The following TLN2 variants were observed in gnomAD, a reference collection of about 807,000 sequenced individuals.
The protein encoded by TLN2 is talin 2.
A neutral mutation model predicts 294.7 loss-of-function variants in TLN2; 118 were observed. The ratio of observed to expected loss-of-function variants is 0.40; its 90% CI spans 0.34 to 0.47. TLN2 has a LOEUF of 0.47. TLN2 is among the 20% of genes least tolerant of loss of function. The pLI is 0.84. For missense variants in TLN2, 3,083 were observed against 3,282.2 expected, an observed-to-expected ratio of 0.94 and a Z score of 1.48; for synonymous variants, 1,431 against 1,304.5, an observed-to-expected ratio of 1.10 and a Z score of -2.09.
chr15:62,726,136 G>A (rs574554497), intron 27 of TLN2, among the ~76,000 whole-genome samples: 1 of 152,150 alleles, frequency 6.6e-6, no homozygotes, highest in Non-Finnish European at 1.5e-5. Context: ...TGCAAGAGAG[G>A]CTGGCATGAC....
intron 1 of TLN2, among the ~76,000 whole-genome samples, chr15:62,517,466 G>A (rs941837094): frequency 6.6e-6 from 1 of 152,130 alleles, no homozygotes; most frequent in Non-Finnish European, 1.5e-5. Context: ...GTTTGCTTGG[G>A]GGCCATGGTG....
intron 53 of TLN2, among the ~76,000 whole-genome samples, chr15:62,820,165 G>A (rs187050295): frequency 6.6e-6 from 1 of 152,280 alleles, no homozygotes; most frequent in African/African-American, 2.4e-5. Context: ...TCCTGAGGAT[G>A]CTTACTTAGA....
intron 1 of TLN2, among the ~76,000 whole-genome samples, chr15:62,465,909 G>C (rs906414565): frequency 7.9e-5 from 12 of 152,190 alleles, no homozygotes; most frequent in Admixed American, 6.5e-4. Context: ...ATAGGTTTTA[G>C]GATTGGAAGG....
At chr15:62,413,399 T>C (rs1281550583) in intron 1 of TLN2, among the ~76,000 whole-genome samples, 1 of 152,150 alleles carries the variant, frequency 6.6e-6, no homozygotes, top group Non-Finnish European at 1.5e-5. Context: ...ACCCCCAAGC[T>C]AACATAGTGA....
chr15:62,841,873 G>A lies in TLN2; in HGVS notation c.*1263G>A, dbSNP rs930201341. 2 of 152,148 alleles carry A rather than the reference G, an allele frequency of 1.3e-5. No individual in the cohort carries two copies. Among genetic ancestry groups the A allele is most frequent in the Non-Finnish European group, 2.9e-5 (2 of 68,040 alleles). 9.4% of individuals were successfully genotyped at this position (152,148 alleles called of 1,614,324 possible). A position where few individuals can be genotyped will look rare whatever the true frequency, so the allele number is the denominator to read the frequency against. ...GACAGAATCTAATGCCAGGGAGCAG[G>A]AGTGTTTGAAAGAATTCATAGTGGG... On this transcript the variant is annotated 3_prime_UTR_variant, in exon 59 of 59. Transcript: ENST00000636159.
At chr15:62,757,017 T>C (rs2062308485) in intron 37 of TLN2, among the ~76,000 whole-genome samples, 1 of 152,226 alleles carries the variant, frequency 6.6e-6, no homozygotes, top group African/African-American at 2.4e-5. Context: ...GTTACCTGAA[T>C]TACCATCATA....
chr15:62,489,956 G>A lies in TLN2; in HGVS notation c.-238+99271G>A, dbSNP rs531629143. ...GCCCACATTCTGAGTCCAACTCAGTGAAAGAACCACCTAGTTATGCCGCTC... is the reference window on the plus strand; with the variant it reads ...GCCCACATTCTGAGTCCAACTCAGTAAAAGAACCACCTAGTTATGCCGCTC... On this transcript the variant is annotated intron_variant, in intron 1 of 58. Transcript: ENST00000636159. Among the ~76,000 whole-genome samples, 3 of 152,342 alleles carry A rather than the reference G, an allele frequency of 2.0e-5. No homozygotes were observed. In the South Asian group the frequency reaches 6.2e-4, roughly 32 times the overall value.
intron 2 of TLN2, among the ~76,000 whole-genome samples, chr15:62,596,711 A>T (rs916358505): frequency 6.6e-6 from 1 of 151,710 alleles, no homozygotes; most frequent in Non-Finnish European, 1.5e-5. Context: ...GCACTCCAGC[A>T]GCCTGGGCAA....
At chr15:62,582,052 AAAAAAG>A (rs1023784028) in intron 1 of TLN2, among the ~76,000 whole-genome samples, 1 of 151,696 alleles carries the variant, frequency 6.6e-6, no homozygotes, top group Non-Finnish European at 1.5e-5. Flanking sequence ...CTAGAAAAAA[AAAAAAG>A]AAAAAGAAAA....
chr15:62,483,918 T>C (rs2038241297), intron 1 of TLN2, among the ~76,000 whole-genome samples: 1 of 152,232 alleles, frequency 6.6e-6, no homozygotes, highest in Non-Finnish European at 1.5e-5. Flanking sequence ...GCCAGCTGCA[T>C]GCCTCCCAGC....
chr15:62,477,987 G>A (rs1306655559), intron 1 of TLN2, among the ~76,000 whole-genome samples: 3 of 152,114 alleles, frequency 2.0e-5, no homozygotes, highest in South Asian at 2.1e-4. Flanking sequence ...TCTCAGAAAC[G>A]TTGCTTTACT....
chr15:62,642,610 C>A (rs556036260), intron 3 of TLN2, among the ~76,000 whole-genome samples: 1 of 152,146 alleles, frequency 6.6e-6, no homozygotes, highest in Non-Finnish European at 1.5e-5. Flanking sequence ...GTGGAAAATA[C>A]ACACTCATCT....
intron 1 of TLN2, among the ~76,000 whole-genome samples, chr15:62,562,013 T>G (rs1431058823): frequency 2.6e-5 from 4 of 152,214 alleles, no homozygotes; most frequent in Non-Finnish European, 4.4e-5. Context: ...TACCTTTGCT[T>G]CTTTTTCCTT....
At chr15:62,818,146 A>C (rs2067264986) in intron 52 of TLN2, among the ~76,000 whole-genome samples, 1 of 152,084 alleles carries the variant, frequency 6.6e-6, no homozygotes, top group African/African-American at 2.4e-5. Flanking sequence ...AGACATAGGC[A>C]TTATCCCAGC....
chr15:62,723,964 C>T (rs1398070429), intron 26 of TLN2, among the ~76,000 whole-genome samples: 2 of 152,044 alleles, frequency 1.3e-5, no homozygotes, highest in African/African-American at 4.8e-5. Flanking sequence ...GCCTGACCAA[C>T]ATGGTGAAAC....
intron 2 of TLN2, among the ~76,000 whole-genome samples, chr15:62,598,114 C>T (rs1440375678): frequency 6.6e-6 from 1 of 152,188 alleles, no homozygotes; most frequent in Admixed American, 6.5e-5. Flanking sequence ...GCACCTACAT[C>T]CTTGAAGCCT....
Position 62,743,902 on chromosome 15 carries a change from A to G in TLN2, c.4025+3133A>G, listed in dbSNP as rs544211448. On this transcript the variant is annotated intron_variant, in intron 32 of 58. Coordinates refer to ENST00000636159, the MANE Select transcript of TLN2 (RefSeq NM_015059.3). ...AGGATGCTCCCTAGGAACTCAAGGT[A>G]GCACCTGCCCCCCTGGCTCCCCTTT... Among the ~76,000 whole-genome samples, 3 of 152,290 alleles carry G rather than the reference A, an allele frequency of 2.0e-5. No homozygotes were observed. In the South Asian group the frequency reaches 6.2e-4, roughly 32 times the overall value.
chr15:62,707,214 G>C lies in TLN2; in HGVS notation c.2133G>C (p.Gln711His). ...ACAGGGTAATTGCTGCTGCCACCCAGTGTGCCCTCTCCACCTCCCAGCTTG... is the reference window on the plus strand; with the variant it reads ...ACAGGGTAATTGCTGCTGCCACCCACTGTGCCCTCTCCACCTCCCAGCTTG... ...LQNRVIAAAT[Q>H]CALSTSQLVA... The change falls in exon 20 of 59, where the codon CAG (glutamine) becomes CAC (histidine). Residue 711 changes from glutamine to histidine, a missense_variant. Transcript: ENST00000636159. The C allele has an allele frequency of 6.2e-7, 1 of 1,613,706 alleles. No individual in the cohort carries two copies. Among genetic ancestry groups the C allele is most frequent in the Non-Finnish European group, 8.5e-7 (1 of 1,179,772 alleles).
chr15:62,556,406 G>A (rs2042608010), intron 1 of TLN2, among the ~76,000 whole-genome samples: 1 of 151,794 alleles, frequency 6.6e-6, no homozygotes, highest in Non-Finnish European at 1.5e-5. Flanking sequence ...TTCTGGGCTT[G>A]GGTGATCCTC....
Sources: gnomAD v4.1 joint callset for allele counts (sites outside exome capture counted in the v4.1 genomes callset) on GRCh38, gnomAD v4.1.1 for gene constraint, MANE v1.5 for transcripts, NCBI Gene and HGNC (gene_info 2026-07-23, HGNC 2026-07-21) for gene names.